Variants in RAPGEF4 observed in about 807,000 individuals in gnomAD.
RAPGEF4 encodes the protein Rap guanine nucleotide exchange factor 4, also known as RAP guanine-nucleotide-exchange factor (GEF) 4.
A neutral mutation model predicts 147.9 loss-of-function variants in RAPGEF4; 66 were observed. That is an observed-to-expected ratio of 0.45 (90% CI 0.37 to 0.55). RAPGEF4 has a LOEUF of 0.55. Among genes scored for constraint, RAPGEF4 ranks in the 20% least tolerant of loss-of-function variants. The pLI is 0.00. For missense variants in RAPGEF4, 1,071 were observed against 1,257.3 expected (o/e 0.85, Z 2.24); for synonymous variants, 419 against 442.7 (o/e 0.95, Z 0.67).
intron 1 of RAPGEF4, 122 bp from the exon 2 acceptor site, chr2:172,794,903 C>T (rs1686219638): frequency 1.0e-6 from 1 of 972,026 alleles, no homozygotes; most frequent in Non-Finnish European, 1.5e-6. Context: ...TAAATATTTG[C>T]AATGAAATAT....
chr2:172,895,314 A>G (rs1179063096), intron 4 of RAPGEF4, among the ~76,000 whole-genome samples: 2 of 152,078 alleles, frequency 1.3e-5, no homozygotes, highest in Non-Finnish European at 2.9e-5. Flanking sequence ...GGCTTTTTGG[A>G]ACTTGTCATT....
At chr2:172,870,739 T>G (rs1695153045) in intron 4 of RAPGEF4, among the ~76,000 whole-genome samples, 1 of 152,192 alleles carries the variant, frequency 6.6e-6, no homozygotes, top group African/African-American at 2.4e-5. Flanking sequence ...TCTTTATGCT[T>G]GTTTCCTATT....
At chr2:172,860,398 G>A (rs1693894414) in intron 4 of RAPGEF4, 1 of 841,544 alleles carries the variant, frequency 1.2e-6, no homozygotes, top group Non-Finnish European at 1.4e-6. Context: ...CCTCAAGCAT[G>A]TTTATTTACA....
intron 4 of RAPGEF4, among the ~76,000 whole-genome samples, chr2:172,854,616 TTTG>T (rs946220716): frequency 8.3e-4 from 126 of 152,202 alleles, no homozygotes; most frequent in African/African-American, 2.6e-3. Flanking sequence ...TTTTGCTATT[TTTG>T]TTGTTGTTGT....
chr2:172,849,153 A>T (rs1210946470), intron 4 of RAPGEF4, among the ~76,000 whole-genome samples: 1 of 151,938 alleles, frequency 6.6e-6, no homozygotes, highest in Non-Finnish European at 1.5e-5. Flanking sequence ...TGATTCAGTC[A>T]GTCTCTGATT....
chr2:172,896,122 A>G (rs1174236505), intron 4 of RAPGEF4, among the ~76,000 whole-genome samples: 2 of 152,230 alleles, frequency 1.3e-5, no homozygotes, highest in Non-Finnish European at 2.9e-5. Flanking sequence ...AACTTCACAC[A>G]CATTTGAGGA....
intron 23 of RAPGEF4, among the ~76,000 whole-genome samples, chr2:173,021,466 T>G (rs1458388164): frequency 6.6e-6 from 1 of 152,138 alleles, no homozygotes; most frequent in Non-Finnish European, 1.5e-5. Context: ...CGGGCGCCTG[T>G]AGTCCCAGCT....
At chr2:172,874,003 G>A (rs763111779) in intron 4 of RAPGEF4, among the ~76,000 whole-genome samples, 14 of 152,084 alleles carry the variant, frequency 9.2e-5, no homozygotes, top group East Asian at 5.8e-4. Context: ...ATGAGATACC[G>A]TCTCACACCA....
chr2:173,029,558 T>C (rs891360813), intron 25 of RAPGEF4, among the ~76,000 whole-genome samples: 6 of 152,240 alleles, frequency 3.9e-5, no homozygotes, highest in Non-Finnish European at 7.3e-5. Flanking sequence ...ATCAGCTTCA[T>C]TGATGTCAGT....
rs980128839 is a variant in RAPGEF4, at chr2:172,996,667, T to G, written c.1579+113T>G. ...AAAGCAGTTTGGGAAGGGGATTCTG[T>G]GTATTGATATTTGAAAAGCATCTCT... On this transcript the variant is annotated intron_variant, in intron 16 of 30. Coordinates refer to ENST00000397081, the MANE Select transcript of RAPGEF4 (RefSeq NM_007023.4). 3.8e-5 allele frequency: 27 copies of G among 708,604 alleles called. No homozygotes were observed. The African/African-American group carries it at 4.9e-4, about 13-fold the overall frequency. 43.9% of individuals were successfully genotyped at this position (708,604 alleles called of 1,614,324 possible).
chr2:173,001,306 T>A lies in RAPGEF4; in HGVS notation c.1620T>A (p.Phe540Leu). The change falls in exon 17 of 31, where the codon TTT becomes TTA. Residue 540 changes from phenylalanine (F) to leucine (L), a missense_variant. Transcript: ENST00000397081. ...LNDFIMMHCV[F>L]MPNTQLCPAL... ...ACTTTATTATGATGCACTGTGTTTTTATGCCAAATACCCAGCTTTGCCCGG... is the reference window on the plus strand; with the variant it reads ...ACTTTATTATGATGCACTGTGTTTTAATGCCAAATACCCAGCTTTGCCCGG... 1 of 1,614,136 alleles carries A rather than the reference T, an allele frequency of 6.2e-7. No homozygotes were observed. The highest frequency in any genetic ancestry group is 8.5e-7 in the Non-Finnish European group (1 of 1,179,974).
intron 4 of RAPGEF4, among the ~76,000 whole-genome samples, chr2:172,834,041 G>A (rs898095169): frequency 2.0e-5 from 3 of 152,144 alleles, no homozygotes; most frequent in South Asian, 2.1e-4. Context: ...GCTCCAAGAC[G>A]CAATTCCCAG....
chr2:172,917,695 C>T, intron 4 of RAPGEF4, 107 bp from the exon 5 acceptor site: 2 of 929,842 alleles, frequency 2.2e-6, no homozygotes, highest in Non-Finnish European at 3.5e-6. Flanking sequence ...AAATACAAGG[C>T]TCAGATGCTT....
chr2:172,774,140 G>C (rs1290244196), intron 1 of RAPGEF4, among the ~76,000 whole-genome samples: 1 of 152,206 alleles, frequency 6.6e-6, no homozygotes, highest in East Asian at 1.9e-4. Context: ...AAATGAGGAT[G>C]TGGATTCTGC....
intron 1 of RAPGEF4, among the ~76,000 whole-genome samples, chr2:172,780,834 A>C (rs1454615655): frequency 1.3e-5 from 2 of 152,212 alleles, no homozygotes; most frequent in Admixed American, 6.5e-5. Flanking sequence ...GAAGTCTTAT[A>C]ACTGCAATTA....
chr2:172,988,843 A>G lies in RAPGEF4; in HGVS notation c.1374+4A>G, dbSNP rs747914935. ...GGATTTCAACCGGATCCTAAGGGTG[A>G]GTCCAAAGCAAAGTGTGGCTGAGAG... On this transcript the variant is annotated splice_donor_region_variant and intron_variant, in intron 14 of 30. Coordinates refer to ENST00000397081, the MANE Select transcript of RAPGEF4 (RefSeq NM_007023.4). 6 of 1,612,824 alleles carry G rather than the reference A, an allele frequency of 3.7e-6. No homozygotes were observed. In the East Asian group the frequency reaches 1.3e-4, roughly 36 times the overall value.
At chr2:172,896,624 G>T (rs1219279615) in intron 4 of RAPGEF4, among the ~76,000 whole-genome samples, 1 of 150,460 alleles carries the variant, frequency 6.6e-6, no homozygotes, top group African/African-American at 2.5e-5. Context: ...CTGAATGAGC[G>T]TAGTGAAAAT....
At chr2:172,985,236 A>G (rs569255119) in intron 11 of RAPGEF4, among the ~76,000 whole-genome samples, 197 bp from the exon 12 acceptor site, 5 of 152,354 alleles carry the variant, frequency 3.3e-5, no homozygotes, top group Middle Eastern at 3.4e-3. Context: ...ATTCTATAAA[A>G]AGAGCTACAA....
chr2:172,889,278 A>G (rs913932199), intron 4 of RAPGEF4, among the ~76,000 whole-genome samples: 3 of 152,110 alleles, frequency 2.0e-5, no homozygotes, highest in Non-Finnish European at 4.4e-5. Flanking sequence ...GGCTTTTAAC[A>G]TCCTTTTGGC....
Sources: gnomAD v4.1 joint callset for allele counts (sites outside exome capture counted in the v4.1 genomes callset) on GRCh38, gnomAD v4.1.1 for gene constraint, MANE v1.5 for transcripts, NCBI Gene and HGNC (gene_info 2026-07-23, HGNC 2026-07-21) for gene names.